VPS36: variants seen among roughly 807,000 people sequenced by gnomAD.
The protein encoded by VPS36 is vacuolar protein-sorting-associated protein 36.
Under a neutral mutation model 63.5 loss-of-function variants are expected in VPS36, and 31 were observed. The observed-to-expected ratio is 0.49, with a 90% CI of 0.37 to 0.66. VPS36 has a LOEUF of 0.66. Ranked by LOEUF, VPS36 falls within the 30% of genes least tolerant of loss-of-function variation. VPS36 has a pLI of 0.00. For missense variants in VPS36, 338 were observed against 463.7 expected (o/e 0.73, Z 2.49); for synonymous variants, 138 against 157.2 (o/e 0.88, Z 0.91).
At chr13:52,423,735 C>G (rs746980096) in intron 9 of VPS36, 96 bp from the exon 10 acceptor site, 1 of 1,190,324 alleles carries the variant, frequency 8.4e-7, no homozygotes. Context: ...AATCAGAAAT[C>G]AGAAAAATTT....
intron 6 of VPS36, among the ~76,000 whole-genome samples, chr13:52,432,648 C>T (rs192766637): frequency 2.2e-4 from 34 of 152,262 alleles, no homozygotes; most frequent in Non-Finnish European, 4.1e-4. Flanking sequence ...GTGCCTCTGA[C>T]GAAAGAACAC....
chr13:52,426,799 G>A (rs1450138522), intron 8 of VPS36, among the ~76,000 whole-genome samples, 190 bp downstream of exon 8: 3 of 152,184 alleles, frequency 2.0e-5, no homozygotes, highest in African/African-American at 4.8e-5. Context: ...ATGTTGCAGT[G>A]AGCCGAGATC....
In VPS36 at chr13:52,415,195, C is replaced by A. The variant is rs1957982498; in HGVS notation, c.*635G>T. ...TCTAGTTCAGTTTCAAAATCCACAG[C>A]ATTTGGAAACAAAATGACACAGTTG... is the stretch of plus-strand genomic sequence containing the variant. On this transcript the variant is annotated 3_prime_UTR_variant, in exon 14 of 14. Coordinates refer to ENST00000378060, the MANE Select transcript of VPS36 (RefSeq NM_016075.4). 5.3e-5 allele frequency: 8 copies of A among 152,052 alleles called. No homozygotes were observed. The highest frequency in any genetic ancestry group is 5.2e-4 in the Admixed American group (8 of 15,260). The allele number at this position is 152,052 out of a possible 1,614,324, so 9.4% of individuals were successfully genotyped here. A position where few individuals can be genotyped will look rare whatever the true frequency, so the allele number is the denominator to read the frequency against.
At chr13:52,448,300 T>C (rs1175683726) in intron 1 of VPS36, among the ~76,000 whole-genome samples, 1 of 152,238 alleles carries the variant, frequency 6.6e-6, no homozygotes, top group African/African-American at 2.4e-5. Context: ...CTAATGTGTG[T>C]AACCTTGTAA....
intron 9 of VPS36, 98 bp downstream of exon 9, chr13:52,425,834 A>T: frequency 7.8e-7 from 1 of 1,288,634 alleles, no homozygotes; most frequent in African/African-American, 1.5e-5. Flanking sequence ...GTTGACAATA[A>T]CCATATCATG....
In VPS36 at chr13:52,416,070, T is replaced by C. The variant is rs1430464121; in HGVS notation, c.1014A>G (p.Thr338=). 23 of 1,613,534 alleles carry C rather than the reference T, an allele frequency of 1.4e-5. No homozygotes were observed. Among genetic ancestry groups the C allele is most frequent in the Non-Finnish European group, 1.9e-5 (23 of 1,179,896 alleles). The part of the protein sequence containing the change: ...LETVSEKGSL[T]SEEFAKLVGM... The stretch of plus-strand genomic sequence containing the variant: ...CCACAAGCTTAGCAAACTCTTCTGA[T>C]GTTAGGGATCCCTTTTCTGAAACCT... The change falls in exon 13 of 14, where the codon ACA becomes ACG. Residue 338 remains threonine (T), a synonymous_variant. Transcript: ENST00000378060.
intron 2 of VPS36, among the ~76,000 whole-genome samples, chr13:52,440,890 G>A (rs763587428): frequency 6.6e-6 from 1 of 152,172 alleles, no homozygotes; most frequent in African/African-American, 2.4e-5. Context: ...GGGGAGCAGG[G>A]GTTGTGGTTT....
rs553383900 is a variant in VPS36 at position 52,450,620 on chromosome 13, T to C, written c.-26A>G. On this transcript the variant is annotated 5_prime_UTR_variant, in exon 1 of 14. Coordinates refer to ENST00000378060, the MANE Select transcript of VPS36 (RefSeq NM_016075.4). ...GGCCGCTGCCACCCAGCCCCGGCCCTCCGAGGCCGCGAGCAGCGCGCCAGG... is the reference window on the plus strand; with the variant it reads ...GGCCGCTGCCACCCAGCCCCGGCCCCCCGAGGCCGCGAGCAGCGCGCCAGG... 7.8e-6 allele frequency: 12 copies of C among 1,547,078 alleles called. No individual in the cohort carries two copies. In the East Asian group the frequency reaches 1.8e-4, roughly 24 times the overall value.
At chr13:52,419,741 A>T (rs1026473628) in intron 10 of VPS36, among the ~76,000 whole-genome samples, 3 of 152,222 alleles carry the variant, frequency 2.0e-5, no homozygotes, top group African/African-American at 4.8e-5. Context: ...CATTTGCAAC[A>T]ACATGGATAG....
At chr13:52,417,264 C>T in intron 11 of VPS36, 123 bp from the exon 12 acceptor site, 1 of 700,826 alleles carries the variant, frequency 1.4e-6, no homozygotes, top group East Asian at 2.7e-5. Context: ...AACAAAACAA[C>T]ATTTAAAACA....
intron 1 of VPS36, among the ~76,000 whole-genome samples, chr13:52,445,894 C>G (rs190067011): frequency 3.2e-5 from 4 of 124,336 alleles, no homozygotes; most frequent in Admixed American, 9.1e-5. Context: ...GAGCGGAGAT[C>G]GCGCCACTGC....
At chr13:52,436,463 T>C (rs1958219422) in intron 3 of VPS36, 59 bp from the exon 4 acceptor site, 1 of 1,197,800 alleles carries the variant, frequency 8.3e-7, no homozygotes, top group Non-Finnish European at 1.2e-6. Flanking sequence ...TAACTAATTC[T>C]ACTTTTATAA....
In VPS36 at chr13:52,438,981, G is replaced by A. The variant is rs1055574065; in HGVS notation, c.236+117C>T. On this transcript the variant is annotated intron_variant, in intron 3 of 13. Transcript: ENST00000378060. ...AACAAGGATATTACAGCAAACCTTA[G>A]CTTTATTCATGCTTTAAGAATGGAT... The A allele has an allele frequency of 1.1e-5, 9 of 840,500 alleles. No homozygotes were observed. In the African/African-American group the frequency reaches 1.3e-4, roughly 13 times the overall value. 52.1% of individuals were successfully genotyped at this position (840,500 alleles called of 1,614,324 possible).
intron 6 of VPS36, among the ~76,000 whole-genome samples, chr13:52,428,098 G>A (rs906493293): frequency 2.6e-5 from 4 of 152,014 alleles, no homozygotes; most frequent in African/African-American, 7.2e-5. Context: ...TTGTAGATAT[G>A]GTGGCTATCA....
At chr13:52,421,937 T>C (rs1477030546) in intron 10 of VPS36, among the ~76,000 whole-genome samples, 1 of 152,130 alleles carries the variant, frequency 6.6e-6, no homozygotes, top group Non-Finnish European at 1.5e-5. Context: ...TATTTGGGGG[T>C]ACCTATTACC....
At chr13:52,430,759 C>T (rs1322779814) in intron 6 of VPS36, among the ~76,000 whole-genome samples, 3 of 151,968 alleles carry the variant, frequency 2.0e-5, no homozygotes, top group Non-Finnish European at 4.4e-5. Flanking sequence ...TACACAGACA[C>T]ATTCTAGTAA....
chr13:52,417,845 C>G, intron 11 of VPS36, 147 bp downstream of exon 11: 1 of 633,814 alleles, frequency 1.6e-6, no homozygotes. Context: ...TTAGGACATG[C>G]CCAGCCCTGA....
intron 2 of VPS36, among the ~76,000 whole-genome samples, chr13:52,439,725 C>T (rs149852038): frequency 6.6e-6 from 1 of 152,044 alleles, no homozygotes; most frequent in Non-Finnish European, 1.5e-5. Context: ...GGATTACAGG[C>T]GTGAGCCACC....
chr13:52,420,272 C>T (rs188834523), intron 10 of VPS36, among the ~76,000 whole-genome samples: 1 of 151,474 alleles, frequency 6.6e-6, no homozygotes, highest in African/African-American at 2.4e-5. Flanking sequence ...TAAGATATAG[C>T]ATTCAGTAGT....
Sources: allele counts gnomAD v4.1 joint callset (sites outside exome capture counted in the v4.1 genomes callset), GRCh38; gene constraint gnomAD v4.1.1; transcripts MANE v1.5; gene names NCBI Gene and HGNC (gene_info 2026-07-23, HGNC 2026-07-21).